PRKN: variants seen among roughly 807,000 people sequenced by gnomAD.
PRKN encodes E3 ubiquitin-protein ligase parkin.
Under a neutral mutation model 59.5 loss-of-function variants are expected in PRKN, and 56 were observed. The ratio of observed to expected loss-of-function variants is 0.94; its 90% CI spans 0.76 to 1.18. PRKN has a LOEUF of 1.18. PRKN is among the 50% of genes most tolerant of loss of function. The pLI, the probability that PRKN is intolerant of heterozygous loss-of-function variation, is 0.00. For missense variants in PRKN, 657 were observed against 596.4 expected, an observed-to-expected ratio of 1.10 and a Z score of -1.06; for synonymous variants, 250 against 222.1, an observed-to-expected ratio of 1.13 and a Z score of -1.12.
chr6:161,571,256 T>A (rs1780877908), intron 7 of PRKN, among the ~76,000 whole-genome samples: 1 of 152,348 alleles, frequency 6.6e-6, no homozygotes, highest in East Asian at 1.9e-4. Flanking sequence ...ATTTATATTA[T>A]TCTCTCTGGA....
At position 161,575,740 on chromosome 6, in the gene PRKN, A is replaced by G. The variant is rs958562555; in HGVS notation, c.872-6324T>C. ...GACACAAATAATCTGCAATTTGCAG[A>G]TTGCTGCTGTTTGGTGCGAAACGCT... is the stretch of plus-strand genomic sequence containing the variant. On this transcript the variant is annotated intron_variant, in intron 7 of 11. Coordinates refer to ENST00000366898, the MANE Select transcript of PRKN (RefSeq NM_004562.3). The surrounding 1 kb of genome is among the most constrained non-coding windows in gnomAD (Gnocchi z 4.6). Among the ~76,000 whole-genome samples, 3 of 152,170 alleles carry G rather than the reference A, an allele frequency of 2.0e-5. No homozygotes were observed. The highest frequency in any genetic ancestry group is 7.2e-5 in the African/African-American group (3 of 41,442).
chr6:162,389,018 A>AC (rs1562724479), intron 2 of PRKN, among the ~76,000 whole-genome samples: 3 of 149,326 alleles, frequency 2.0e-5, no homozygotes, highest in African/African-American at 4.9e-5. Context: ...AAAAAAAAAA[A>AC]AAAAAACAAA....
chr6:162,187,838 A>G (rs1317390991), intron 4 of PRKN, among the ~76,000 whole-genome samples: 1 of 152,148 alleles, frequency 6.6e-6, no homozygotes, highest in Non-Finnish European at 1.5e-5. Context: ...ACCACCAGAT[A>G]CAGCGTGATG....
intron 6 of PRKN, among the ~76,000 whole-genome samples, chr6:161,839,234 G>A (rs751768775): frequency 3.0e-4 from 46 of 152,148 alleles, no homozygotes; most frequent in Non-Finnish European, 5.4e-4. Context: ...AGGTGCCCCT[G>A]AGGGAAGAAG....
intron 2 of PRKN, among the ~76,000 whole-genome samples, chr6:162,286,317 A>C (rs755702434): frequency 3.0e-4 from 45 of 152,082 alleles, no homozygotes; most frequent in Non-Finnish European, 6.0e-4. Flanking sequence ...TTTTTCCTAA[A>C]TCTTTATAGC....
rs114987149 is a variant in PRKN at position 161,769,468 on chromosome 6, C to G, written c.871+16304G>C. 9.3e-3 allele frequency among the ~76,000 whole-genome samples: 1,413 copies of G among 152,236 alleles called. 27 individuals carry two copies. The highest frequency in any genetic ancestry group is 0.037 in the South Asian group (179 of 4,818). On this transcript the variant is annotated intron_variant, in intron 7 of 11. Coordinates refer to ENST00000366898, the MANE Select transcript of PRKN (RefSeq NM_004562.3). ...TTCCTGAAGCATGAACATAACCAAG[C>G]CTACTCCTTGGAAGCTGGGCTCCCA...
intron 1 of PRKN, among the ~76,000 whole-genome samples, chr6:162,582,134 T>C (rs1165559292): frequency 1.3e-5 from 2 of 152,198 alleles, no homozygotes; most frequent in Non-Finnish European, 1.5e-5. Context: ...TTTGATGACA[T>C]TATTAAGCAT....
chr6:162,050,886 G>T (rs577226352), intron 5 of PRKN, among the ~76,000 whole-genome samples: 5 of 152,116 alleles, frequency 3.3e-5, no homozygotes, highest in Non-Finnish European at 7.3e-5. Context: ...GAACAGCAAG[G>T]ACTCGAATCC....
At chr6:161,857,340 T>G (rs993587735) in intron 6 of PRKN, among the ~76,000 whole-genome samples, 1 of 152,204 alleles carries the variant, frequency 6.6e-6, no homozygotes, top group Non-Finnish European at 1.5e-5. Flanking sequence ...AGACAATGCA[T>G]ATGAGTAGGG....
intron 6 of PRKN, among the ~76,000 whole-genome samples, chr6:161,809,999 C>G (rs571360879): frequency 6.6e-6 from 1 of 152,294 alleles, no homozygotes; most frequent in East Asian, 1.9e-4. Flanking sequence ...TATTCATACT[C>G]ATACATACAT....
chr6:161,455,174 A>G (rs527755423), intron 9 of PRKN, among the ~76,000 whole-genome samples: 2 of 151,696 alleles, frequency 1.3e-5, no homozygotes, highest in African/African-American at 4.8e-5. Context: ...GAGTAGCTGG[A>G]ATTACAGGCG....
intron 6 of PRKN, among the ~76,000 whole-genome samples, chr6:161,837,693 A>T (rs1040487377): frequency 6.6e-6 from 1 of 152,224 alleles, no homozygotes; most frequent in East Asian, 1.9e-4. Flanking sequence ...ATAATAAGGG[A>T]CTGAGGGTGA....
chr6:161,715,365 G>C (rs1786930014), intron 7 of PRKN, among the ~76,000 whole-genome samples: 2 of 151,970 alleles, frequency 1.3e-5, no homozygotes, highest in South Asian at 4.2e-4. Context: ...TGAATATCTG[G>C]AACGCCATAG....
intron 1 of PRKN, among the ~76,000 whole-genome samples, chr6:162,547,966 G>C (rs1779182846): frequency 6.6e-6 from 1 of 152,092 alleles, no homozygotes; most frequent in Non-Finnish European, 1.5e-5. Flanking sequence ...TCATTAGGCT[G>C]TGCCAAGGAC....
At chr6:162,409,819 T>A (rs1038437466) in intron 2 of PRKN, among the ~76,000 whole-genome samples, 1 of 152,194 alleles carries the variant, frequency 6.6e-6, no homozygotes, top group African/African-American at 2.4e-5. Context: ...AAGACGAATT[T>A]AAAATCAATC....
In PRKN at chr6:161,468,336, A is replaced by G. The variant is rs1367372267; in HGVS notation, c.1083+80518T>C. The stretch of plus-strand genomic sequence containing the variant: ...AGCCAAACCTAATCTTCAATCTGAA[A>G]TAGTGTACTACGCCAGGTGTAGACA... On this transcript the variant is annotated intron_variant, in intron 9 of 11. Coordinates refer to ENST00000366898, the MANE Select transcript of PRKN (RefSeq NM_004562.3). This position sits in a 1 kb window ranked among gnomAD's most constrained non-coding sequence, Gnocchi z 5.9. 6.6e-6 allele frequency among the ~76,000 whole-genome samples: 1 copy of G among 152,200 alleles called. No individual in the cohort carries two copies. Among genetic ancestry groups the G allele is most frequent in the Non-Finnish European group, 1.5e-5 (1 of 68,032 alleles).
chr6:162,277,279 A>C (rs1348509634), intron 2 of PRKN, among the ~76,000 whole-genome samples: 1 of 152,184 alleles, frequency 6.6e-6, no homozygotes, highest in Non-Finnish European at 1.5e-5. Context: ...GAGATTCGGC[A>C]GGCATCACTG....
chr6:162,281,691 A>G (rs1780917319), intron 2 of PRKN, among the ~76,000 whole-genome samples: 1 of 152,214 alleles, frequency 6.6e-6, no homozygotes, highest in Non-Finnish European at 1.5e-5. Context: ...GTCAAATACC[A>G]TAGCAAATGA....
At chr6:162,133,633 C>T (rs1296681257) in intron 4 of PRKN, among the ~76,000 whole-genome samples, 1 of 152,028 alleles carries the variant, frequency 6.6e-6, no homozygotes, top group Non-Finnish European at 1.5e-5. Flanking sequence ...GCACGAATGA[C>T]AATAATTTAA....
Sources: allele counts gnomAD v4.1 joint callset (sites outside exome capture counted in the v4.1 genomes callset), GRCh38; gene constraint gnomAD v4.1.1; non-coding constraint Gnocchi (gnomAD v3.1); transcripts MANE v1.5; gene names NCBI Gene and HGNC (gene_info 2026-07-23, HGNC 2026-07-21).